SOX5: variants seen among roughly 807,000 people sequenced by gnomAD.
SOX5 encodes transcription factor SOX-5.
A neutral mutation model predicts 92.0 loss-of-function variants in SOX5; 9 were observed. The observed-to-expected ratio is 0.10, with a 90% CI of 0.06 to 0.17. The LOEUF is 0.17. Among genes scored for constraint, SOX5 ranks in the 10% least tolerant of loss-of-function variants. The pLI is 1.00. For missense variants in SOX5, 642 were observed against 944.5 expected (o/e 0.68, Z 4.20); for synonymous variants, 344 against 336.3 (o/e 1.02, Z -0.25).
chr12:24,504,761 T>C (rs1948556781), intron 1 of SOX5, among the ~76,000 whole-genome samples: 1 of 152,182 alleles, frequency 6.6e-6, no homozygotes, highest in African/African-American at 2.4e-5. Flanking sequence ...CAAAACATTA[T>C]TTCCTTTGAG....
At chr12:24,465,527 A>G (rs1358333206) in intron 1 of SOX5, among the ~76,000 whole-genome samples, 2 of 152,220 alleles carry the variant, frequency 1.3e-5, no homozygotes, top group Non-Finnish European at 2.9e-5. Context: ...GTGCTTGCAA[A>G]CAAATGAGAA....
At chr12:23,876,014 C>G (rs7300180) in intron 2 of SOX5, among the ~76,000 whole-genome samples, 102,579 of 152,046 alleles carry the variant, frequency 0.67, 34,737 homozygotes, top group East Asian at 0.88. Flanking sequence ...AATTTACAAG[C>G]AGTGGGCCAG....
chr12:23,844,119 C>A (rs1284105060), intron 3 of SOX5, among the ~76,000 whole-genome samples: 3 of 152,204 alleles, frequency 2.0e-5, no homozygotes, highest in Non-Finnish European at 4.4e-5. Context: ...TGTTAGTCCA[C>A]CACAGGGCAA....
intron 4 of SOX5, among the ~76,000 whole-genome samples, chr12:24,008,709 T>C (rs1413226881): frequency 2.6e-5 from 4 of 152,272 alleles, no homozygotes; most frequent in Non-Finnish European, 5.9e-5. Context: ...TAAATTCCTA[T>C]GTTATTAAAG....
chr12:23,899,510 A>C (rs1183875136), intron 1 of SOX5, among the ~76,000 whole-genome samples: 1 of 152,094 alleles, frequency 6.6e-6, no homozygotes, highest in African/African-American at 2.4e-5. Flanking sequence ...TAACAATGTG[A>C]GCATCTAGGC....
intron 2 of SOX5, among the ~76,000 whole-genome samples, chr12:23,855,818 C>T (rs1354835848): frequency 6.6e-6 from 1 of 152,052 alleles, no homozygotes; most frequent in East Asian, 1.9e-4. Flanking sequence ...AAACATATGC[C>T]TTCTCACTGT....
chr12:23,668,680 G>A (rs2084255370), intron 6 of SOX5, among the ~76,000 whole-genome samples: 1 of 152,064 alleles, frequency 6.6e-6, no homozygotes, highest in Non-Finnish European at 1.5e-5. Flanking sequence ...CATTTATTAA[G>A]TTTCAACAAA....
intron 4 of SOX5, among the ~76,000 whole-genome samples, chr12:24,157,036 A>G (rs1414338907): frequency 1.3e-5 from 2 of 152,086 alleles, no homozygotes; most frequent in Non-Finnish European, 1.5e-5. Flanking sequence ...CTCTTTGATT[A>G]GTCTAATGAT....
At chr12:24,322,050 G>A (rs1282038292) in intron 2 of SOX5, among the ~76,000 whole-genome samples, 2 of 152,060 alleles carry the variant, frequency 1.3e-5, no homozygotes, top group African/African-American at 4.8e-5. Flanking sequence ...TTTCCTTCCT[G>A]CAATAAATTG....
intron 7 of SOX5, among the ~76,000 whole-genome samples, chr12:23,644,327 A>G (rs1044987225): frequency 6.6e-6 from 1 of 152,240 alleles, no homozygotes; most frequent in Non-Finnish European, 1.5e-5. Context: ...AATCCAGGCC[A>G]ATACCTGGAC....
chr12:23,603,487 C>T (rs139357263), intron 9 of SOX5, among the ~76,000 whole-genome samples: 22 of 108,510 alleles, frequency 2.0e-4, no homozygotes, highest in Admixed American at 6.4e-4. Context: ...AAACTAACTG[C>T]GTCAGCTTTC....
chr12:24,421,189 A>T (rs933761948), intron 1 of SOX5, among the ~76,000 whole-genome samples: 1 of 152,204 alleles, frequency 6.6e-6, no homozygotes, highest in Non-Finnish European at 1.5e-5. Flanking sequence ...AGCATGGTAT[A>T]CATGGAGAGG....
At chr12:24,491,255 G>C (rs757845866) in intron 1 of SOX5, among the ~76,000 whole-genome samples, 7 of 152,112 alleles carry the variant, frequency 4.6e-5, no homozygotes, top group Non-Finnish European at 8.8e-5. Context: ...ACTCTGACTT[G>C]AATTGAGCCC....
intron 4 of SOX5, among the ~76,000 whole-genome samples, chr12:23,970,843 T>TATATATATATATATATATATATATAAAA (rs1948232527): frequency 1.0e-5 from 1 of 97,390 alleles, no homozygotes; most frequent in Non-Finnish European, 2.1e-5. Context: ...TATATATAAT[T>TATATATATATATATATATATATATAAAA]TTTTTTTTTT....
intron 6 of SOX5, among the ~76,000 whole-genome samples, chr12:23,704,159 C>G (rs893808709): frequency 6.6e-6 from 1 of 151,838 alleles, no homozygotes; most frequent in Non-Finnish European, 1.5e-5. Context: ...TGACTCCTCC[C>G]CATCTTCTAA....
At chr12:24,209,792 G>A (rs1565661928) in intron 4 of SOX5, among the ~76,000 whole-genome samples, 4 of 151,726 alleles carry the variant, frequency 2.6e-5, no homozygotes, top group African/African-American at 4.8e-5. Context: ...GCCGAGGCGG[G>A]CGGATCACGA....
chr12:24,039,860 A>G (rs965686820), intron 4 of SOX5, among the ~76,000 whole-genome samples: 1 of 152,204 alleles, frequency 6.6e-6, no homozygotes, highest in Admixed American at 6.5e-5. Context: ...TCAAATGCCT[A>G]TTGTGTCCTA....
chr12:23,540,871 T>C (rs537558183), intron 13 of SOX5, among the ~76,000 whole-genome samples: 5 of 152,334 alleles, frequency 3.3e-5, no homozygotes, highest in Non-Finnish European at 5.9e-5. Flanking sequence ...GAGGCTGTTA[T>C]CCAAAACAAT....
In SOX5 at chr12:23,533,179, C is replaced by T. The variant is rs1284993900; in HGVS notation, c.*1040G>A. ...AGTCACTTGGGAGGATGTGGGATTT[C>T]ATCCCCAGATGTGGGTTTAACTCAC... is the stretch of plus-strand genomic sequence containing the variant. On this transcript the variant is annotated 3_prime_UTR_variant, in exon 15 of 15. Transcript: ENST00000451604. 3 of 456,396 alleles carry T rather than the reference C, an allele frequency of 6.6e-6. No individual in the cohort carries two copies. The highest frequency in any genetic ancestry group is 6.5e-4 in the Middle Eastern group (2 of 3,074). The allele number at this position is 456,396 out of a possible 1,614,324, so 28.3% of individuals were successfully genotyped here. A position where few individuals can be genotyped will look rare whatever the true frequency, so the allele number is the denominator to read the frequency against.
Sources: allele counts gnomAD v4.1 joint callset (sites outside exome capture counted in the v4.1 genomes callset), GRCh38; gene constraint gnomAD v4.1.1; transcripts MANE v1.5; gene names NCBI Gene and HGNC (gene_info 2026-07-23, HGNC 2026-07-21).